The following PKHD1 variants were observed in gnomAD, a reference collection of about 807,000 sequenced individuals.
PKHD1 encodes the protein PKHD1 ciliary IPT domain containing fibrocystin/polyductin.
In PKHD1, 291 loss-of-function variants were observed where a neutral mutation model predicts 412.0. That is an observed-to-expected ratio of 0.71 (90% CI 0.64 to 0.78). The LOEUF (loss-of-function observed/expected upper bound fraction) is 0.78. PKHD1 is among the 30% of genes least tolerant of loss of function. The pLI is 0.00. For synonymous variants in PKHD1, 1,777 were observed against 1,821.5 expected (o/e 0.98, Z 0.62); for missense variants, 4,825 against 4,950.7 (o/e 0.97, Z 0.76).
chr6:51,674,555 G>C (rs1012754787), intron 60 of PKHD1, among the ~76,000 whole-genome samples: 5 of 152,100 alleles, frequency 3.3e-5, no homozygotes, highest in African/African-American at 1.2e-4. Flanking sequence ...TAATTACTTA[G>C]TAGTAATGAT....
intron 52 of PKHD1, among the ~76,000 whole-genome samples, chr6:51,829,576 A>C (rs1378867821): frequency 6.6e-6 from 1 of 152,066 alleles, no homozygotes; most frequent in Non-Finnish European, 1.5e-5. Flanking sequence ...AAAAAGTTAC[A>C]TCCTCCATCA....
intron 64 of PKHD1, among the ~76,000 whole-genome samples, chr6:51,635,876 C>CGGGGGGGGGGTGGGG (rs1581768607): frequency 2.4e-5 from 1 of 41,506 alleles, no homozygotes; most frequent in African/African-American, 8.5e-5. Flanking sequence ...GGCGGGGGGC[C>CGGGGGGGGGGTGGGG]GGGGGCGGAT....
chr6:51,855,756 T>G (rs897936113), intron 49 of PKHD1, 137 bp downstream of exon 49: 1 of 749,232 alleles, frequency 1.3e-6, no homozygotes, highest in African/African-American at 1.7e-5. Flanking sequence ...TATTGAAGTT[T>G]TCTTTATCTG....
chr6:51,929,543 C>A (rs1389120727), intron 37 of PKHD1, among the ~76,000 whole-genome samples: 1 of 152,188 alleles, frequency 6.6e-6, no homozygotes, highest in Non-Finnish European at 1.5e-5. Context: ...GTGAAAACCA[C>A]TGACCGGAAA....
intron 35 of PKHD1, among the ~76,000 whole-genome samples, chr6:51,979,152 T>C (rs1032126665): frequency 6.6e-6 from 1 of 152,120 alleles, no homozygotes; most frequent in African/African-American, 2.4e-5. Flanking sequence ...TTCTTCTCTA[T>C]GTATGCAGTT....
intron 50 of PKHD1, among the ~76,000 whole-genome samples, chr6:51,841,608 T>C (rs1180954082): frequency 1.3e-5 from 2 of 152,200 alleles, no homozygotes; most frequent in Admixed American, 1.3e-4. Flanking sequence ...GAGTTTTTCA[T>C]AAGAATGTAA....
chr6:52,008,235 C>A (rs1799341386), intron 35 of PKHD1, among the ~76,000 whole-genome samples: 1 of 152,206 alleles, frequency 6.6e-6, no homozygotes, highest in African/African-American at 2.4e-5. Flanking sequence ...ACCGGTGTGA[C>A]CTTTATCAAC....
intron 52 of PKHD1, among the ~76,000 whole-genome samples, chr6:51,816,777 A>G (rs1484436322): frequency 6.6e-6 from 1 of 152,172 alleles, no homozygotes; most frequent in Non-Finnish European, 1.5e-5. Context: ...CTGTCCATAA[A>G]TCCTCTGCCA....
chr6:51,979,770 T>C (rs898265429), intron 35 of PKHD1, among the ~76,000 whole-genome samples: 1 of 152,162 alleles, frequency 6.6e-6, no homozygotes, highest in African/African-American at 2.4e-5. Flanking sequence ...TTCTGCTGGA[T>C]CATGTGCCAT....
At chr6:51,931,035 G>A (rs1304691644) in intron 37 of PKHD1, among the ~76,000 whole-genome samples, 2 of 152,216 alleles carry the variant, frequency 1.3e-5, no homozygotes, top group African/African-American at 4.8e-5. Flanking sequence ...ATAAGTTTAT[G>A]AAGTGGGAAC....
chr6:52,072,038 A>G, intron 8 of PKHD1, 77 bp downstream of exon 8: 1 of 845,476 alleles, frequency 1.2e-6, no homozygotes, highest in Non-Finnish European at 2.1e-6. Context: ...GGAGAGAAAG[A>G]GAGAGAATGT....
chr6:51,949,749 A>G (rs975364724), intron 36 of PKHD1, among the ~76,000 whole-genome samples: 2 of 151,974 alleles, frequency 1.3e-5, no homozygotes, highest in African/African-American at 4.8e-5. Context: ...TTCATGGGGG[A>G]TGTGAGGCAT....
At chr6:51,832,535 C>G (rs138569253) in intron 51 of PKHD1, among the ~76,000 whole-genome samples, 1 of 151,968 alleles carries the variant, frequency 6.6e-6, no homozygotes, top group East Asian at 1.9e-4. Flanking sequence ...CACATTAAGA[C>G]AGAAGTGGAT....
Position 52,024,555 on chromosome 6 carries a change from T to C in PKHD1, c.5236+19A>G. ...TCATTTACATAAAGAAAGTGTGCTG[T>C]CTTATTTGCTTGACTTACCGAAGTT... On this transcript the variant is annotated intron_variant, in intron 32 of 66. Coordinates refer to ENST00000371117, the MANE Select transcript of PKHD1 (RefSeq NM_138694.4). 1 of 1,610,136 alleles carries C rather than the reference T, an allele frequency of 6.2e-7. No individual in the cohort carries two copies. Among genetic ancestry groups the C allele is most frequent in the Non-Finnish European group, 8.5e-7 (1 of 1,176,730 alleles).
intron 36 of PKHD1, among the ~76,000 whole-genome samples, chr6:51,947,605 G>A (rs1789662602): frequency 6.6e-6 from 1 of 152,002 alleles, no homozygotes; most frequent in African/African-American, 2.4e-5. Flanking sequence ...TACTTCTTAG[G>A]CATCCTCTTC....
At chr6:51,726,776 T>A (rs932801) in intron 60 of PKHD1, among the ~76,000 whole-genome samples, 107,526 of 152,208 alleles carry the variant, frequency 0.71, 38,910 homozygotes, top group East Asian at 0.91. Context: ...TCTTACTTTT[T>A]TTATTTCAAC....
rs192769565 is a variant in PKHD1, at chr6:52,059,960, G to A, written c.1201C>T (p.His401Tyr). Residue 401 changes from histidine (H) to tyrosine (Y), a missense_variant, in exon 15 of 67, where the codon CAT becomes TAT. His to Tyr is a moderately conservative substitution (Grantham distance 83). Transcript: ENST00000371117. The stretch of plus-strand genomic sequence containing the variant: ...CTTGGTTCCTCTGACCAACTGAAAT[G>A]CAAGGAAGCTTGGCTATCTGCCTGA... ...WIQADSQASL[H>Y]FSWSEEPRTK... is the part of the protein sequence containing the mutation. The A allele has an allele frequency of 4.4e-6, 7 of 1,601,000 alleles. No individual in the cohort carries two copies. Among genetic ancestry groups the A allele is most frequent in the Non-Finnish European group, 5.1e-6 (6 of 1,168,164 alleles).
intron 60 of PKHD1, among the ~76,000 whole-genome samples, chr6:51,704,361 C>T (rs1396343684): frequency 6.6e-6 from 1 of 152,002 alleles, no homozygotes; most frequent in Admixed American, 6.6e-5. Flanking sequence ...TACCAATGAA[C>T]TGAGATTTTC....
At chr6:51,650,748 C>T (rs538734147) in intron 61 of PKHD1, among the ~76,000 whole-genome samples, 1 of 152,236 alleles carries the variant, frequency 6.6e-6, no homozygotes, top group South Asian at 2.1e-4. Flanking sequence ...GCTCTTTAGT[C>T]ATCTACCAGC....
Sources: gnomAD v4.1 joint callset for allele counts (sites outside exome capture counted in the v4.1 genomes callset) on GRCh38, gnomAD v4.1.1 for gene constraint, MANE v1.5 for transcripts, NCBI Gene and HGNC (gene_info 2026-07-23, HGNC 2026-07-21) for gene names.